Variants in NRF1 observed in about 807,000 individuals in gnomAD.
The protein encoded by NRF1 is nuclear respiratory factor 1, also known as alpha palindromic-binding protein.
Under a neutral mutation model 58.5 loss-of-function variants are expected in NRF1, and 5 were observed. The observed-to-expected ratio is 0.09, with a 90% CI of 0.04 to 0.18. The LOEUF (loss-of-function observed/expected upper bound fraction) is 0.18. NRF1 is among the 10% of genes least tolerant of loss of function. NRF1 has a pLI of 1.00. For synonymous variants in NRF1, 224 were observed against 246.7 expected, an observed-to-expected ratio of 0.91 and a Z score of 0.86; for missense variants, 288 against 657.7, an observed-to-expected ratio of 0.44 and a Z score of 6.15.
intron 1 of NRF1, among the ~76,000 whole-genome samples, chr7:129,651,116 G>C (rs896735567): frequency 2.0e-5 from 3 of 152,092 alleles, no homozygotes; most frequent in African/African-American, 7.2e-5. Context: ...TTCACAGGGT[G>C]TGCTGAATAA....
At chr7:129,685,491 G>A (rs1359907535) in intron 4 of NRF1, among the ~76,000 whole-genome samples, 1 of 151,468 alleles carries the variant, frequency 6.6e-6, no homozygotes. Flanking sequence ...TGTGTTACCT[G>A]TATATGTATA....
At chr7:129,662,383 AGT>A (rs3042950) in intron 2 of NRF1, among the ~76,000 whole-genome samples, 8,048 of 145,678 alleles carry the variant, frequency 0.055, 245 homozygotes, top group East Asian at 0.1. Flanking sequence ...TAGAATTTCT[AGT>A]GTGTGTGTGT....
rs769483162 is a variant in NRF1 at position 129,727,379 on chromosome 7, A to C, written c.1348+14A>C. 1 of 1,570,656 alleles carries C rather than the reference A, an allele frequency of 6.4e-7. No individual in the cohort carries two copies. Among genetic ancestry groups the C allele is most frequent in the South Asian group, 1.2e-5 (1 of 81,582 alleles). ...AAGATGCTAATGGTAAGAGAGCATAAATATTTTATTAAATTTCTTCCCTGT... is the reference window on the plus strand; with the variant it reads ...AAGATGCTAATGGTAAGAGAGCATACATATTTTATTAAATTTCTTCCCTGT... On this transcript the variant is annotated intron_variant, in intron 10 of 10. Transcript: ENST00000393232.
At chr7:129,619,502 A>AT (rs1370764548) in intron 1 of NRF1, among the ~76,000 whole-genome samples, 1 of 127,196 alleles carries the variant, frequency 7.9e-6, no homozygotes, top group Non-Finnish European at 1.7e-5. Flanking sequence ...ATATATATAT[A>AT]TATATATATA....
intron 10 of NRF1, among the ~76,000 whole-genome samples, chr7:129,733,259 A>T (rs1319799438): frequency 6.6e-6 from 1 of 152,042 alleles, no homozygotes; most frequent in South Asian, 2.1e-4. Context: ...TGAGGTCAGG[A>T]GATTGAGACC....
chr7:129,658,896 G>T (rs1306085083), intron 2 of NRF1, among the ~76,000 whole-genome samples: 1 of 152,024 alleles, frequency 6.6e-6, no homozygotes, highest in Non-Finnish European at 1.5e-5. Context: ...CATTTACACT[G>T]TATTAGGTAT....
chr7:129,725,732 C>T (rs1219325198), intron 9 of NRF1, among the ~76,000 whole-genome samples: 1 of 152,168 alleles, frequency 6.6e-6, no homozygotes, highest in Non-Finnish European at 1.5e-5. Flanking sequence ...TCTATAAAAG[C>T]AAGTATACTG....
intron 2 of NRF1, among the ~76,000 whole-genome samples, chr7:129,669,248 G>C (rs771151231): frequency 1.3e-5 from 2 of 152,124 alleles, no homozygotes; most frequent in Non-Finnish European, 1.5e-5. Flanking sequence ...CGCCTGGCCA[G>C]ATCTTGAGTT....
At chr7:129,631,138 A>G (rs996719930) in intron 1 of NRF1, among the ~76,000 whole-genome samples, 3 of 152,130 alleles carry the variant, frequency 2.0e-5, no homozygotes, top group Non-Finnish European at 2.9e-5. Flanking sequence ...CAGTTTGCTT[A>G]CTTACTTTTC....
At chr7:129,702,832 T>C (rs529501607) in intron 5 of NRF1, among the ~76,000 whole-genome samples, 1 of 152,174 alleles carries the variant, frequency 6.6e-6, no homozygotes, top group South Asian at 2.1e-4. Context: ...TTGGCAGATA[T>C]GTTGGTCTGA....
intron 9 of NRF1, among the ~76,000 whole-genome samples, chr7:129,719,543 C>CA (rs1554413552): frequency 7.0e-6 from 1 of 142,058 alleles, no homozygotes; most frequent in Non-Finnish European, 1.5e-5. Flanking sequence ...CACACACACA[C>CA]AACACATCTT....
intron 10 of NRF1, among the ~76,000 whole-genome samples, chr7:129,732,557 T>C (rs868392832): frequency 1.3e-5 from 2 of 151,886 alleles, no homozygotes. Flanking sequence ...TAGCATTTGC[T>C]GGTTTGGAGT....
At chr7:129,636,789 C>G (rs1280425807) in intron 1 of NRF1, among the ~76,000 whole-genome samples, 1 of 152,120 alleles carries the variant, frequency 6.6e-6, no homozygotes, top group Non-Finnish European at 1.5e-5. Context: ...TAAACATAAA[C>G]CTTAGACAAT....
chr7:129,750,101 C>T (rs1331329603), intron 10 of NRF1, among the ~76,000 whole-genome samples: 1 of 151,998 alleles, frequency 6.6e-6, no homozygotes, highest in Non-Finnish European at 1.5e-5. Flanking sequence ...TGTACTGAGG[C>T]CAAGGGTCTC....
At chr7:129,731,929 G>A (rs1584680656) in intron 10 of NRF1, among the ~76,000 whole-genome samples, 1 of 151,960 alleles carries the variant, frequency 6.6e-6, no homozygotes, top group African/African-American at 2.4e-5. Flanking sequence ...TTCATTTTTT[G>A]AACATAGTTA....
intron 10 of NRF1, among the ~76,000 whole-genome samples, chr7:129,747,271 T>C (rs1803997730): frequency 1.3e-5 from 2 of 152,232 alleles, no homozygotes; most frequent in African/African-American, 4.8e-5. Context: ...ATCTACGTCA[T>C]GTGCAGTGCC....
chr7:129,714,700 A>G (rs932206748), intron 8 of NRF1, among the ~76,000 whole-genome samples: 2 of 152,194 alleles, frequency 1.3e-5, no homozygotes, highest in Non-Finnish European at 2.9e-5. Context: ...TGCCCATGAG[A>G]ACTCAGGGCA....
intron 4 of NRF1, among the ~76,000 whole-genome samples, chr7:129,688,665 A>G (rs1204018919): frequency 6.6e-6 from 1 of 151,674 alleles, no homozygotes; most frequent in Non-Finnish European, 1.5e-5. Flanking sequence ...GAAGCAAGGC[A>G]CGTCTTACAT....
intron 1 of NRF1, among the ~76,000 whole-genome samples, chr7:129,625,912 G>A (rs975893627): frequency 2.0e-5 from 3 of 151,960 alleles, no homozygotes; most frequent in Non-Finnish European, 4.4e-5. Context: ...TTGATTTTCC[G>A]ACCTTGTGAT....
Sources: allele counts gnomAD v4.1 joint callset (sites outside exome capture counted in the v4.1 genomes callset), GRCh38; gene constraint gnomAD v4.1.1; transcripts MANE v1.5; gene names NCBI Gene and HGNC (gene_info 2026-07-23, HGNC 2026-07-21).